HMBOX1: variants seen among roughly 807,000 people sequenced by gnomAD.
The protein encoded by HMBOX1 is homeobox-containing protein 1.
HMBOX1 carries 14 observed loss-of-function variants against 54.5 expected under a neutral mutation model. The observed-to-expected ratio is 0.26, with a 90% CI of 0.17 to 0.40. The LOEUF (loss-of-function observed/expected upper bound fraction) is 0.40, where lower values mean the gene tolerates loss of function less well. HMBOX1 is among the 10% of genes least tolerant of loss of function. The pLI, the probability that HMBOX1 is intolerant of heterozygous loss-of-function variation, is 1.00. For synonymous variants in HMBOX1, 160 were observed against 181.0 expected, an observed-to-expected ratio of 0.88 and a Z score of 0.93; for missense variants, 332 against 514.4, an observed-to-expected ratio of 0.65 and a Z score of 3.43.
chr8:29,035,880 C>T (rs1057015321), intron 6 of HMBOX1, among the ~76,000 whole-genome samples: 1 of 152,126 alleles, frequency 6.6e-6, no homozygotes. Context: ...TTGTGTGACA[C>T]CTCTAGAAAA....
intron 5 of HMBOX1, among the ~76,000 whole-genome samples, chr8:29,015,895 A>G (rs946472116): frequency 3.3e-5 from 5 of 152,342 alleles, no homozygotes; most frequent in African/African-American, 7.2e-5. Context: ...GCATGTTTCA[A>G]TAAAACTTTA....
intron 6 of HMBOX1, among the ~76,000 whole-genome samples, chr8:29,027,484 A>T (rs1287345808): frequency 1.3e-5 from 2 of 152,184 alleles, no homozygotes; most frequent in African/African-American, 4.8e-5. Context: ...TATCTTTGGA[A>T]ACAGGTGTGT....
chr8:29,003,364 TGTAACC>T (rs1832918105), intron 4 of HMBOX1, among the ~76,000 whole-genome samples: 1 of 151,520 alleles, frequency 6.6e-6, no homozygotes, highest in South Asian at 2.1e-4. Context: ...TAGAATACCT[TGTAACC>T]ACTAGAATGA....
Position 29,051,536 on chromosome 8 carries a change from C to T in HMBOX1, c.*381C>T, listed in dbSNP as rs1049337661. 1 of 702,916 alleles carries T rather than the reference C, an allele frequency of 1.4e-6. No homozygotes were observed. Among genetic ancestry groups the T allele is most frequent in the Non-Finnish European group, 2.6e-6 (1 of 384,990 alleles). The allele number at this position is 702,916 out of a possible 1,614,324, so 43.5% of individuals were successfully genotyped here. A position where few individuals can be genotyped will look rare whatever the true frequency, so the allele number is the denominator to read the frequency against. ...ATTCTTGTAACACTAGTCTGTACTCCCTTTTCCTTCCCCAAGACTGATAGG... is the reference window on the plus strand; with the variant it reads ...ATTCTTGTAACACTAGTCTGTACTCTCTTTTCCTTCCCCAAGACTGATAGG... On this transcript the variant is annotated 3_prime_UTR_variant, in exon 10 of 10. Coordinates refer to ENST00000287701, the MANE Select transcript of HMBOX1 (RefSeq NM_001135726.3).
chr8:28,898,687 C>T lies in HMBOX1; in HGVS notation c.-58+8009C>T, dbSNP rs553736783. 7.9e-5 allele frequency among the ~76,000 whole-genome samples: 12 copies of T among 152,304 alleles called. No homozygotes were observed. The East Asian group carries it at 2.3e-3, about 29-fold the overall frequency. ...TTGTATTGCCCTGGTTTTTCATAGT[C>T]TCTGCTTCTCTGACTGGTAAGTGGA... On this transcript the variant is annotated intron_variant, in intron 1 of 9. Coordinates refer to ENST00000287701, the MANE Select transcript of HMBOX1 (RefSeq NM_001135726.3).
intron 1 of HMBOX1, among the ~76,000 whole-genome samples, chr8:28,959,514 A>G (rs987419527): frequency 6.6e-6 from 1 of 152,230 alleles, no homozygotes; most frequent in Non-Finnish European, 1.5e-5. Flanking sequence ...AGAAAGCCAA[A>G]GTAAAACAGC....
intron 6 of HMBOX1, among the ~76,000 whole-genome samples, chr8:29,024,816 C>A (rs2133085091): frequency 6.6e-6 from 1 of 152,278 alleles, no homozygotes; most frequent in African/African-American, 2.4e-5. Flanking sequence ...GGGTCCCTAA[C>A]CCCTGGGCTG....
At chr8:29,039,971 T>C (rs909614902) in intron 6 of HMBOX1, among the ~76,000 whole-genome samples, 2 of 152,198 alleles carry the variant, frequency 1.3e-5, no homozygotes, top group Non-Finnish European at 2.9e-5. Flanking sequence ...AGTTGCCTTC[T>C]GTTTTTCAAG....
chr8:28,900,569 G>A (rs189193166), intron 1 of HMBOX1, among the ~76,000 whole-genome samples: 4 of 151,970 alleles, frequency 2.6e-5, no homozygotes, highest in East Asian at 3.9e-4. Context: ...TCAGTAGATC[G>A]TGACATGGGC....
chr8:29,050,344 C>A (rs920428385), intron 9 of HMBOX1: 2 of 460,716 alleles, frequency 4.3e-6, no homozygotes, highest in Non-Finnish European at 5.7e-6. Context: ...TATTGTTTAA[C>A]ACATTGAGCT....
chr8:28,915,665 A>T, intron 1 of HMBOX1: 1 of 151,204 alleles, frequency 6.6e-6, no homozygotes, highest in Middle Eastern at 3.5e-3. Flanking sequence ...CTGTGTTTCT[A>T]ACTTGGGCTG....
At chr8:29,018,650 A>T in intron 5 of HMBOX1, 110 bp from the exon 6 acceptor site, 1 of 1,064,582 alleles carries the variant, frequency 9.4e-7, no homozygotes, top group Non-Finnish European at 1.3e-6. Flanking sequence ...TACATTGATT[A>T]AGTTGTCACT....
In HMBOX1 at chr8:29,051,233, G is replaced by A; in HGVS notation, c.*78G>A. On this transcript the variant is annotated 3_prime_UTR_variant, in exon 10 of 10. Transcript: ENST00000287701. ...AGACTTTCCTCGGTCCTTAACATGT[G>A]TTCTTACAGTATAACTTGCAGTTTC... is the stretch of plus-strand genomic sequence containing the variant. 6.7e-7 allele frequency: 1 copy of A among 1,485,388 alleles called. No homozygotes were observed. Among genetic ancestry groups the A allele is most frequent in the South Asian group, 1.2e-5 (1 of 81,290 alleles). The allele number at this position is 1,485,388 out of a possible 1,614,324, so 92.0% of individuals were successfully genotyped here.
chr8:28,952,854 T>A lies in HMBOX1; in HGVS notation c.-57-10957T>A, dbSNP rs768183244. 1.8e-4 allele frequency among the ~76,000 whole-genome samples: 28 copies of A among 152,240 alleles called. 1 individual carries two copies. Among genetic ancestry groups the A allele is most frequent in the Admixed American group, 1.2e-3 (19 of 15,284 alleles). On this transcript the variant is annotated intron_variant, in intron 1 of 9. Coordinates refer to ENST00000287701, the MANE Select transcript of HMBOX1 (RefSeq NM_001135726.3). ...TGATATATGTAACTTTAATCACAAA[T>A]CATAATGATGCTTGACTTCTTGCAC...
intron 1 of HMBOX1, among the ~76,000 whole-genome samples, chr8:28,907,870 A>G (rs1355581327): frequency 1.3e-5 from 2 of 150,488 alleles, no homozygotes; most frequent in African/African-American, 4.9e-5. Context: ...TTTTGAGACA[A>G]GTTCTCGCTC....
intron 4 of HMBOX1, among the ~76,000 whole-genome samples, chr8:28,985,141 A>G (rs924024606): frequency 2.0e-5 from 3 of 152,188 alleles, no homozygotes; most frequent in Non-Finnish European, 2.9e-5. Flanking sequence ...CTAACAAAAT[A>G]CCATGAACTG....
chr8:29,018,170 T>G (rs1402859780), intron 5 of HMBOX1, among the ~76,000 whole-genome samples: 1 of 152,218 alleles, frequency 6.6e-6, no homozygotes, highest in Non-Finnish European at 1.5e-5. Context: ...GCTTTCCTGG[T>G]TTTATTCTTA....
Position 28,999,740 on chromosome 8 carries a change from A to G in HMBOX1, c.587-9332A>G, listed in dbSNP as rs73241194. ...CCAAAATTTCTATTTGGTTCTTATA[A>G]TTTTTGTCTGTTTATTGATATTCTG... On this transcript the variant is annotated intron_variant, in intron 4 of 9. Coordinates refer to ENST00000287701, the MANE Select transcript of HMBOX1 (RefSeq NM_001135726.3). Among the ~76,000 whole-genome samples the G allele has an allele frequency of 7.3e-3, 1,105 of 151,580 alleles. 11 individuals are homozygous for G. The highest frequency in any genetic ancestry group is 0.011 in the Non-Finnish European group (751 of 67,826).
chr8:29,053,266 T>C (rs1020512559), downstream of HMBOX1: 1 of 152,182 alleles, frequency 6.6e-6, no homozygotes, highest in East Asian at 1.9e-4. Flanking sequence ...CTTCCAAGCA[T>C]TGAAGTGAAG....
Sources: gnomAD v4.1 joint callset for allele counts (sites outside exome capture counted in the v4.1 genomes callset) on GRCh38, gnomAD v4.1.1 for gene constraint, MANE v1.5 for transcripts, NCBI Gene and HGNC (gene_info 2026-07-23, HGNC 2026-07-21) for gene names.